MME: variants seen among roughly 807,000 people sequenced by gnomAD.
The protein encoded by MME is membrane metalloendopeptidase.
Under a neutral mutation model 113.2 loss-of-function variants are expected in MME, and 98 were observed. That is an observed-to-expected ratio of 0.87 (90% CI 0.74 to 1.02). MME has a LOEUF of 1.02. Among genes scored for constraint, MME ranks in the 50% least tolerant of loss-of-function variants. The pLI is 0.00. For synonymous variants in MME, 292 were observed against 300.6 expected (o/e 0.97, Z 0.30); for missense variants, 836 against 896.0 (o/e 0.93, Z 0.86).
chr3:155,139,199 T>C (rs1720866962), intron 9 of MME, among the ~76,000 whole-genome samples: 1 of 152,154 alleles, frequency 6.6e-6, no homozygotes, highest in Non-Finnish European at 1.5e-5. Context: ...TTTCCTGCTC[T>C]GGGTTTTTGC....
At chr3:155,165,284 A>G (rs1184147035) in intron 17 of MME, among the ~76,000 whole-genome samples, 1 of 152,208 alleles carries the variant, frequency 6.6e-6, no homozygotes, top group African/African-American at 2.4e-5. Flanking sequence ...ACCTCCAAAT[A>G]ACATGACCCA....
chr3:155,034,480 AGTCT>A (rs1310060768), intron 1 of MME, among the ~76,000 whole-genome samples: 1 of 152,240 alleles, frequency 6.6e-6, no homozygotes, highest in Non-Finnish European at 1.5e-5. Context: ...GGCCTTGTGC[AGTCT>A]GTCTAACTTT....
intron 10 of MME, among the ~76,000 whole-genome samples, chr3:155,141,652 T>A (rs1721097821): frequency 6.6e-6 from 1 of 152,164 alleles, no homozygotes; most frequent in Non-Finnish European, 1.5e-5. Flanking sequence ...CACATTTCCA[T>A]TTTTGCATAA....
intron 1 of MME, among the ~76,000 whole-genome samples, chr3:155,031,986 C>A (rs1712989090): frequency 6.6e-6 from 1 of 152,186 alleles, no homozygotes; most frequent in South Asian, 2.1e-4. Flanking sequence ...ATTAAACATG[C>A]AGATAAACTA....
chr3:155,083,024 A>G (rs1479843602), intron 1 of MME, among the ~76,000 whole-genome samples: 2 of 152,210 alleles, frequency 1.3e-5, no homozygotes, highest in African/African-American at 4.8e-5. Flanking sequence ...GTTCTTTTAT[A>G]CAGTCATGCA....
intron 11 of MME, 22 bp downstream of exon 11, chr3:155,142,149 T>G (rs1158204313): frequency 6.2e-7 from 1 of 1,613,740 alleles, no homozygotes; most frequent in Admixed American, 1.7e-5. Flanking sequence ...ACAGTCCCCA[T>G]GTCCTCAAAG....
intron 1 of MME, among the ~76,000 whole-genome samples, chr3:155,042,518 C>T (rs1334580511): frequency 1.3e-5 from 2 of 152,076 alleles, no homozygotes; most frequent in African/African-American, 4.8e-5. Context: ...TAACATTTTG[C>T]ACAAATTGCA....
chr3:155,121,500 T>C (rs1719127788), intron 8 of MME, among the ~76,000 whole-genome samples: 1 of 146,252 alleles, frequency 6.8e-6, no homozygotes, highest in Non-Finnish European at 1.5e-5. Flanking sequence ...GTGCCAGTTT[T>C]CAAAGGGAAT....
chr3:155,078,947 C>A (rs1361481655), upstream of MME, among the ~76,000 whole-genome samples: 1 of 152,064 alleles, frequency 6.6e-6, no homozygotes, highest in African/African-American at 2.4e-5. Flanking sequence ...AGGGTCCAGG[C>A]GCATTACGGC....
At chr3:155,115,462 C>A (rs1292965610) in intron 4 of MME, among the ~76,000 whole-genome samples, 1 of 152,028 alleles carries the variant, frequency 6.6e-6, no homozygotes, top group African/African-American at 2.4e-5. Flanking sequence ...GAGTTTTGCT[C>A]TTGTCACCCA....
At position 155,068,211 on chromosome 3, in the gene MME, A is replaced by G. The variant is rs191553399; in HGVS notation, c.-10-15947A>G. Among the ~76,000 whole-genome samples, 437 of 152,340 alleles carry G rather than the reference A, an allele frequency of 2.9e-3. 1 individual carries two copies. Among genetic ancestry groups the G allele is most frequent in the African/African-American group, 0.01 (426 of 41,574 alleles). ...TGTAATTACATCTATATAAAATTCTAGAAAATGCAAACTAGTATACAAACG... is the reference window on the plus strand; with the variant it reads ...TGTAATTACATCTATATAAAATTCTGGAAAATGCAAACTAGTATACAAACG... On this transcript the variant is annotated intron_variant, in intron 1 of 22. Coordinates refer to the MME transcript ENST00000492661.
chr3:155,038,832 C>T (rs866790715), intron 1 of MME, among the ~76,000 whole-genome samples: 3 of 152,106 alleles, frequency 2.0e-5, no homozygotes, highest in African/African-American at 4.8e-5. Flanking sequence ...TAGCACTTTA[C>T]GGCCTCTCTT....
At chr3:155,177,707 A>G (rs190805609) in intron 22 of MME, among the ~76,000 whole-genome samples, 91 of 152,250 alleles carry the variant, frequency 6.0e-4, no homozygotes, top group Non-Finnish European at 1.8e-4. Flanking sequence ...AATATTTCAG[A>G]TGTAAGAAAT....
intron 3 of MME, among the ~76,000 whole-genome samples, chr3:155,114,336 T>C (rs1718425351): frequency 6.6e-6 from 1 of 152,168 alleles, no homozygotes; most frequent in African/African-American, 2.4e-5. Flanking sequence ...AAATACTCAG[T>C]GTTGGTTGAT....
chr3:155,118,178 A>G (rs1334775661), intron 7 of MME, among the ~76,000 whole-genome samples: 1 of 152,122 alleles, frequency 6.6e-6, no homozygotes, highest in Admixed American at 6.6e-5. Context: ...TAGGGTAGAG[A>G]ATCTTAAAAA....
At chr3:155,032,660 A>C (rs762626109) in intron 1 of MME, among the ~76,000 whole-genome samples, 1 of 152,188 alleles carries the variant, frequency 6.6e-6, no homozygotes, top group Non-Finnish European at 1.5e-5. Context: ...CAAGTCTCTA[A>C]TTGTGGGCAA....
chr3:155,118,935 T>A (rs1273666755), intron 8 of MME, 124 bp downstream of exon 8: 3 of 695,936 alleles, frequency 4.3e-6, no homozygotes, highest in Non-Finnish European at 7.8e-6. Flanking sequence ...TGACAGGGAC[T>A]TAAAATCACA....
intron 15 of MME, among the ~76,000 whole-genome samples, chr3:155,148,005 A>G (rs1302032155): frequency 1.3e-5 from 2 of 152,164 alleles, no homozygotes; most frequent in Non-Finnish European, 1.5e-5. Flanking sequence ...GTGGCTACGA[A>G]CACAGACTCA....
At chr3:155,092,455 T>C (rs538648478) in intron 3 of MME, among the ~76,000 whole-genome samples, 38 of 152,372 alleles carry the variant, frequency 2.5e-4, no homozygotes, top group African/African-American at 8.9e-4. Flanking sequence ...TTTTACAAAA[T>C]GTTAAATATA....
Sources: gnomAD v4.1 joint callset for allele counts (sites outside exome capture counted in the v4.1 genomes callset) on GRCh38, gnomAD v4.1.1 for gene constraint, MANE v1.5 for transcripts, NCBI Gene and HGNC (gene_info 2026-07-23, HGNC 2026-07-21) for gene names.